Variants in VPS13B observed in about 807,000 individuals in gnomAD.
VPS13B encodes vacuolar protein sorting 13 homolog B.
A neutral mutation model predicts 426.4 loss-of-function variants in VPS13B; 285 were observed. The ratio of observed to expected loss-of-function variants is 0.67; its 90% CI spans 0.61 to 0.74. The LOEUF is 0.74. Ranked by LOEUF, VPS13B falls within the 30% of genes least tolerant of loss-of-function variation. VPS13B has a pLI of 0.00. For synonymous variants in VPS13B, 1,676 were observed against 1,676.4 expected, an observed-to-expected ratio of 1.00 and a Z score of 0.01; for missense variants, 4,537 against 4,782.6, an observed-to-expected ratio of 0.95 and a Z score of 1.51.
chr8:99,062,211 G>C (rs998338555), intron 3 of VPS13B, among the ~76,000 whole-genome samples: 7 of 152,138 alleles, frequency 4.6e-5, no homozygotes, highest in Non-Finnish European at 1.0e-4. Flanking sequence ...AGGGAAGATA[G>C]GACATGCCAT....
intron 17 of VPS13B, among the ~76,000 whole-genome samples, chr8:99,236,610 CTG>C (rs1816666380): frequency 6.6e-6 from 1 of 152,182 alleles, no homozygotes; most frequent in South Asian, 2.1e-4. Flanking sequence ...AAGTTTGAAA[CTG>C]TAATGTTTTT....
At chr8:99,827,518 A>G (rs1036664456) in intron 51 of VPS13B, among the ~76,000 whole-genome samples, 13 of 148,506 alleles carry the variant, frequency 8.8e-5, no homozygotes, top group African/African-American at 2.9e-4. Flanking sequence ...TTTCAAAAAA[A>G]AAAAGCAGCT....
At chr8:99,556,702 A>G in intron 31 of VPS13B, 49 bp downstream of exon 31, 1 of 1,585,104 alleles carries the variant, frequency 6.3e-7, no homozygotes, top group South Asian at 1.1e-5. Context: ...CTTCATTGCC[A>G]GAATAGTTGG....
chr8:99,049,749 T>A (rs1301861125), intron 3 of VPS13B, among the ~76,000 whole-genome samples: 2 of 151,982 alleles, frequency 1.3e-5, no homozygotes, highest in Non-Finnish European at 2.9e-5. Flanking sequence ...CCTTGATTAT[T>A]CCCCCTAACA....
Position 99,135,101 on chromosome 8 carries a change from T to TA in VPS13B, c.1392dup (p.Asp465ArgfsTer3), listed in dbSNP as rs754213501. 4 of 1,613,484 alleles carry TA rather than the reference T, an allele frequency of 2.5e-6. No homozygotes were observed. Among genetic ancestry groups the TA allele is most frequent in the Non-Finnish European group, 3.4e-6 (4 of 1,179,624 alleles). ...TGTGCCTTAAAGGAATTATGGGTGT[T>TA]AAAGATTTTGAAGAGAATATGAATA... On this transcript the variant is annotated frameshift_variant, in exon 10 of 62. Coordinates refer to ENST00000357162, the MANE Select transcript of VPS13B (RefSeq NM_152564.5). LOFTEE classifies it high-confidence loss of function.
At chr8:99,844,205 A>G (rs1261478413) in intron 54 of VPS13B, among the ~76,000 whole-genome samples, 1 of 152,130 alleles carries the variant, frequency 6.6e-6, no homozygotes, top group Admixed American at 6.6e-5. Flanking sequence ...GTAGCTTATA[A>G]ACAACAGAAA....
At chr8:99,873,149 C>T (rs1817517216) in intron 61 of VPS13B, 1 of 152,176 alleles carries the variant, frequency 6.6e-6, no homozygotes, top group African/African-American at 2.4e-5. Context: ...GGCCCTGTGA[C>T]CATCATGATT....
At chr8:99,749,213 G>T (rs1470154623) in intron 39 of VPS13B, among the ~76,000 whole-genome samples, 1 of 151,766 alleles carries the variant, frequency 6.6e-6, no homozygotes, top group Non-Finnish European at 1.5e-5. Flanking sequence ...ATCACCTCAA[G>T]CATTTATCAT....
chr8:99,443,378 T>C (rs1042623500), intron 23 of VPS13B, among the ~76,000 whole-genome samples: 6 of 152,172 alleles, frequency 3.9e-5, no homozygotes, highest in African/African-American at 1.4e-4. Flanking sequence ...AAAGCAGACA[T>C]AGCCTGTGTA....
At chr8:99,349,326 C>T in intron 19 of VPS13B, among the ~76,000 whole-genome samples, 1 of 60,360 alleles carries the variant, frequency 1.7e-5, no homozygotes, top group African/African-American at 9.4e-5. Flanking sequence ...GAGCGAGACT[C>T]CGTCTCAAAA....
chr8:99,760,020 A>C (rs914895897), intron 39 of VPS13B, among the ~76,000 whole-genome samples: 2 of 151,938 alleles, frequency 1.3e-5, no homozygotes, highest in Non-Finnish European at 2.9e-5. Context: ...TCTGTCACCC[A>C]GGCTGGAGTG....
chr8:99,121,619 T>G, intron 8 of VPS13B, 174 bp downstream of exon 8: 1 of 1,421,534 alleles, frequency 7.0e-7, no homozygotes, highest in Non-Finnish European at 9.2e-7. Flanking sequence ...ATCTTTGAAT[T>G]CTGATCCCTT....
At chr8:99,079,563 A>G (rs958751457) in intron 3 of VPS13B, among the ~76,000 whole-genome samples, 1 of 152,190 alleles carries the variant, frequency 6.6e-6, no homozygotes. Flanking sequence ...TGATCCTACT[A>G]TGAATTTTTT....
Position 99,481,763 on chromosome 8 carries a change from C to T in VPS13B, c.3831C>T (p.Ser1277=), listed in dbSNP as rs1183777904. The T allele has an allele frequency of 1.2e-6, 2 of 1,613,952 alleles. No individual in the cohort carries two copies. The highest frequency in any genetic ancestry group is 1.3e-5 in the African/African-American group (1 of 75,032). ...TAGGCACAGCTCCTCCAGATACCAG[C>T]ACATGCAGCCCATCTGCTGACATTG... is the stretch of plus-strand genomic sequence containing the variant. ...SSIGTAPPDT[S]TCSPSADIGT... The change falls in exon 25 of 62, where the codon AGC becomes AGT. Residue 1277 remains serine, a synonymous_variant. Coordinates refer to ENST00000357162, the MANE Select transcript of VPS13B (RefSeq NM_152564.5).
At chr8:99,073,455 A>C (rs1844940791) in intron 3 of VPS13B, among the ~76,000 whole-genome samples, 1 of 151,758 alleles carries the variant, frequency 6.6e-6, no homozygotes, top group Non-Finnish European at 1.5e-5. Flanking sequence ...TTTTCTGTTA[A>C]ATTTATTCTT....
In VPS13B at chr8:99,828,775, C is replaced by T. The variant is rs114107528; in HGVS notation, c.9331-3594C>T. ...CATATTTAGTGCTTCCTTTCAAGAG[C>T]TCTTGTAAGGCAGACCTGGTGGTGA... On this transcript the variant is annotated intron_variant, in intron 51 of 61. Coordinates refer to ENST00000357162, the MANE Select transcript of VPS13B (RefSeq NM_152564.5). Among the ~76,000 whole-genome samples the T allele has an allele frequency of 9.9e-3, 1,513 of 152,178 alleles. 30 individuals are homozygous for T. The highest frequency in any genetic ancestry group is 0.035 in the African/African-American group (1,447 of 41,514).
At chr8:99,036,672 G>A (rs1842762545) in intron 2 of VPS13B, among the ~76,000 whole-genome samples, 1 of 152,040 alleles carries the variant, frequency 6.6e-6, no homozygotes, top group Non-Finnish European at 1.5e-5. Context: ...TTTGATTCAG[G>A]TGTCTTTAAA....
At chr8:99,807,366 A>G (rs886492275) in intron 43 of VPS13B, among the ~76,000 whole-genome samples, 2 of 152,128 alleles carry the variant, frequency 1.3e-5, no homozygotes, top group Admixed American at 1.3e-4. Context: ...TCTAGAGTCT[A>G]TGAAATGTTC....
intron 19 of VPS13B, among the ~76,000 whole-genome samples, chr8:99,337,012 G>A (rs1426705075): frequency 6.6e-6 from 1 of 151,952 alleles, no homozygotes; most frequent in Non-Finnish European, 1.5e-5. Flanking sequence ...CCCATTACTG[G>A]GTATATACCC....
Sources: allele counts gnomAD v4.1 joint callset (sites outside exome capture counted in the v4.1 genomes callset), GRCh38; gene constraint gnomAD v4.1.1; transcripts MANE v1.5; gene names NCBI Gene and HGNC (gene_info 2026-07-23, HGNC 2026-07-21).